Variants in USP24 observed in about 807,000 individuals in gnomAD.
USP24 encodes ubiquitin specific peptidase 24, also known as ubiquitin carboxyl-terminal hydrolase 24.
In USP24, 97 loss-of-function variants were observed where a neutral mutation model predicts 361.6. That is an observed-to-expected ratio of 0.27 (90% confidence interval 0.23 to 0.32). USP24 has a LOEUF of 0.32. Among genes scored for constraint, USP24 ranks in the 10% least tolerant of loss-of-function variants. The pLI, the probability that USP24 is intolerant of heterozygous loss-of-function variation, is 1.00. For missense variants in USP24, 2,353 were observed against 3,165.6 expected (o/e 0.74, Z 6.16); for synonymous variants, 1,098 against 1,124.6 (o/e 0.98, Z 0.47).
intron 62 of USP24, 76 bp downstream of exon 62, chr1:55,077,157 CAT>C (rs1345867310): frequency 6.5e-6 from 8 of 1,228,138 alleles, no homozygotes; most frequent in South Asian, 4.0e-5. Context: ...AATAAAAAGA[CAT>C]ATAATTTTTT....
At chr1:55,142,331 G>A (rs1646912185) in intron 23 of USP24, among the ~76,000 whole-genome samples, 1 of 152,084 alleles carries the variant, frequency 6.6e-6, no homozygotes. Flanking sequence ...TCTTGCTGTG[G>A]CCTTTAATAA....
At chr1:55,095,770 A>G (rs184687314) in intron 50 of USP24, among the ~76,000 whole-genome samples, 237 of 152,338 alleles carry the variant, frequency 1.6e-3, no homozygotes, top group Non-Finnish European at 2.7e-3. Flanking sequence ...TCACTTAACC[A>G]TTTCTGCCAA....
At chr1:55,138,893 G>A (rs996235492) in intron 25 of USP24, 51 bp downstream of exon 25, 14 of 1,565,410 alleles carry the variant, frequency 8.9e-6, no homozygotes, top group South Asian at 3.5e-5. Flanking sequence ...TGGGAAGATC[G>A]CTTGAGTCCA....
At position 55,099,819 on chromosome 1, in the gene USP24, T is replaced by C. The variant is rs990124116; in HGVS notation, c.5322A>G (p.Ala1774=). The C allele has an allele frequency of 4.5e-6, 7 of 1,559,638 alleles. No individual in the cohort carries two copies. Among genetic ancestry groups the C allele is most frequent in the African/African-American group, 1.4e-5 (1 of 73,628 alleles). ...CAATGAGACTAGTAAAGAATTCATA[T>C]GCATCCTGCTGTTCTCTCACATAAA... The part of the protein sequence containing the change: ...KELYVREQQD[A]YEFFTSLIDQ... The change falls in exon 45 of 68, where the codon GCA becomes GCG. Residue 1774 remains alanine (A), a synonymous_variant. Coordinates refer to ENST00000294383, the MANE Select transcript of USP24 (RefSeq NM_015306.3).
intron 1 of USP24, among the ~76,000 whole-genome samples, chr1:55,199,829 C>T (rs12090229): frequency 0.18 from 27,343 of 151,910 alleles, 2,584 homozygotes; most frequent in African/African-American, 0.21. Context: ...GAGACATACC[C>T]GAGACTGGAC....
At chr1:55,121,401 A>C in intron 37 of USP24, 35 bp downstream of exon 37, 1 of 1,586,822 alleles carries the variant, frequency 6.3e-7, no homozygotes, top group Non-Finnish European at 8.6e-7. Flanking sequence ...CAACAGGACC[A>C]AAGGAGTTTT....
chr1:55,090,673 T>TA (rs1645353978), intron 54 of USP24, among the ~76,000 whole-genome samples: 1 of 152,190 alleles, frequency 6.6e-6, no homozygotes, highest in Non-Finnish European at 1.5e-5. Flanking sequence ...CCCCTTACTC[T>TA]AGGTATATTC....
rs776876492 is a variant in USP24, at chr1:55,072,768, A to T, written c.7602+18T>A. On this transcript the variant is annotated intron_variant, in intron 65 of 67. Transcript: ENST00000294383. The stretch of plus-strand genomic sequence containing the variant: ...TTGATTCCTATGTTACAGCTAGAAA[A>T]ATTCAATGTTCAGTTACCTTCTTCT... The T allele has an allele frequency of 3.3e-5, 52 of 1,577,876 alleles. 1 individual carries two copies. In the South Asian group the frequency reaches 6.1e-4, roughly 19 times the overall value.
intron 67 of USP24, chr1:55,071,133 G>T (rs569182951): frequency 1.0e-6 from 1 of 984,550 alleles, no homozygotes; most frequent in Admixed American, 6.1e-5. Flanking sequence ...AAAAAAAAAT[G>T]ACACCTACTA....
chr1:55,125,796 T>C (rs765044969), intron 32 of USP24, 38 bp from the exon 33 acceptor site: 2 of 1,491,804 alleles, frequency 1.3e-6, no homozygotes, highest in South Asian at 2.6e-5. Flanking sequence ...TATTAAAGAC[T>C]TCTATTTTTT....
intron 1 of USP24, among the ~76,000 whole-genome samples, chr1:55,179,558 C>T (rs376977338): frequency 3.0e-4 from 46 of 152,326 alleles, no homozygotes; most frequent in African/African-American, 1.1e-3. Flanking sequence ...ATCCTTCCCC[C>T]GTAAATCCTG....
intron 7 of USP24, among the ~76,000 whole-genome samples, chr1:55,162,662 G>A (rs1648414040): frequency 6.6e-6 from 1 of 151,994 alleles, no homozygotes; most frequent in African/African-American, 2.4e-5. Context: ...ATACATTAAA[G>A]CAGCCCAAAT....
chr1:55,202,159 A>C (rs1644592762), intron 1 of USP24, among the ~76,000 whole-genome samples: 1 of 152,218 alleles, frequency 6.6e-6, no homozygotes, highest in Non-Finnish European at 1.5e-5. Flanking sequence ...GTATTCATTA[A>C]AATATATAAC....
At chr1:55,112,706 A>T (rs1054118352) in intron 38 of USP24, among the ~76,000 whole-genome samples, 9 of 152,088 alleles carry the variant, frequency 5.9e-5, no homozygotes, top group African/African-American at 9.7e-5. Context: ...TTTTAGAGTA[A>T]GTGCAATGTG....
chr1:55,171,826 T>G (rs778554340), intron 4 of USP24, 148 bp from the exon 5 acceptor site: 6 of 873,618 alleles, frequency 6.9e-6, no homozygotes, highest in Non-Finnish European at 1.0e-5. Context: ...CCTTAGCTAG[T>G]GCAAAAGTGC....
At position 55,138,992 on chromosome 1, in the gene USP24, T is replaced by A; in HGVS notation, c.2769A>T (p.Ile923=). ...CTGCCAGAAGCAGCAATCTCTCAATTATTACAAGTTTAGTAGATCTATAGA... is the reference window on the plus strand; with the variant it reads ...CTGCCAGAAGCAGCAATCTCTCAATAATTACAAGTTTAGTAGATCTATAGA... ...QSPYRSTKLV[I]IERLLLLAER... Residue 923 remains isoleucine, a synonymous_variant, in exon 25 of 68, where the codon ATA becomes ATT. Coordinates refer to ENST00000294383, the MANE Select transcript of USP24 (RefSeq NM_015306.3). 6.2e-7 allele frequency: 1 copy of A among 1,612,292 alleles called. No individual in the cohort carries two copies. The highest frequency in any genetic ancestry group is 8.5e-7 in the Non-Finnish European group (1 of 1,179,104).
rs987301538 is a variant in USP24, at chr1:55,068,710, G to T, written c.*335C>A. On this transcript the variant is annotated 3_prime_UTR_variant, in exon 68 of 68. Transcript: ENST00000294383. Reference sequence around the variant, plus strand: ...TTTCTTTTGTAGCATCGTAGAGAAAGCAACAGCTTTATGCTCACTCTTGTA... The same window carrying T: ...TTTCTTTTGTAGCATCGTAGAGAAATCAACAGCTTTATGCTCACTCTTGTA... The T allele has an allele frequency of 7.2e-6, 2 of 277,430 alleles. No individual in the cohort carries two copies. The highest frequency in any genetic ancestry group is 1.3e-5 in the Non-Finnish European group (2 of 149,914). The allele number at this position is 277,430 out of a possible 1,614,324, so 17.2% of individuals were successfully genotyped here.
chr1:55,085,407 G>A (rs1645230231), intron 56 of USP24, among the ~76,000 whole-genome samples: 1 of 152,220 alleles, frequency 6.6e-6, no homozygotes, highest in African/African-American at 2.4e-5. Flanking sequence ...AATTTGTTGT[G>A]AAAATAACAT....
intron 1 of USP24, among the ~76,000 whole-genome samples, chr1:55,199,622 T>TGTGTGAGAGA (rs1553172673): frequency 9.0e-6 from 1 of 111,486 alleles, no homozygotes; most frequent in Non-Finnish European, 2.0e-5. Flanking sequence ...TGTGTGTGTG[T>TGTGTGAGAGA]GAGAGAGAGA....
Sources: gnomAD v4.1 joint callset for allele counts (sites outside exome capture counted in the v4.1 genomes callset) on GRCh38, gnomAD v4.1.1 for gene constraint, MANE v1.5 for transcripts, NCBI Gene and HGNC (gene_info 2026-07-23, HGNC 2026-07-21) for gene names.